CHD3: variants seen among roughly 807,000 people sequenced by gnomAD.
The protein encoded by CHD3 is ATP-dependent chromatin remodeler CHD3.
A neutral mutation model predicts 248.9 loss-of-function variants in CHD3; 52 were observed. The ratio of observed to expected loss-of-function variants is 0.21; its 90% CI spans 0.17 to 0.26. CHD3 has a LOEUF of 0.26. Among genes scored for constraint, CHD3 ranks in the 10% least tolerant of loss-of-function variants. The pLI, the probability that CHD3 is intolerant of heterozygous loss-of-function variation, is 1.00. For missense variants in CHD3, 1,482 were observed against 2,605.8 expected, an observed-to-expected ratio of 0.57 and a Z score of 9.39; for synonymous variants, 985 against 985.2, an observed-to-expected ratio of 1.00 and a Z score of 0.00.
intron 10 of CHD3, among the ~76,000 whole-genome samples, chr17:7,896,701 C>A (rs1247212499): frequency 1.4e-5 from 2 of 142,520 alleles, no homozygotes; most frequent in Non-Finnish European, 3.1e-5. Flanking sequence ...TCTTATTGCC[C>A]CGGCTGGAGT....
Position 7,905,579 on chromosome 17 carries a change from G to A in CHD3, c.4139-42G>A. On this transcript the variant is annotated intron_variant, in intron 26 of 39. Transcript: ENST00000330494. This position sits in a 1 kb window ranked among gnomAD's most constrained non-coding sequence, Gnocchi z 5.8. ...GTGCTAAGGAGGACTGAGGCTTAGA[G>A]GAGGTGGTGGCTCAGCTAACTGATG... The A allele has an allele frequency of 1.4e-6, 2 of 1,453,376 alleles. No homozygotes were observed. The highest frequency in any genetic ancestry group is 1.9e-6 in the Non-Finnish European group (2 of 1,066,342). 90.0% of individuals were successfully genotyped at this position (1,453,376 alleles called of 1,614,324 possible). A position where few individuals can be genotyped will look rare whatever the true frequency, so the allele number is the denominator to read the frequency against.
upstream of CHD3, chr17:7,884,908 G>T: frequency 7.1e-7 from 1 of 1,417,346 alleles, no homozygotes; most frequent in Non-Finnish European, 9.3e-7. Flanking sequence ...AGGAGGAGGA[G>T]GAGGTGGAGG....
chr17:7,901,408 C>A, intron 20 of CHD3, 33 bp downstream of exon 20: 1 of 1,534,786 alleles, frequency 6.5e-7, no homozygotes, highest in Admixed American at 1.9e-5. Flanking sequence ...TTTACATCTG[C>A]TTCCTCTTCC....
Position 7,911,896 on chromosome 17 carries a change from G to T in CHD3, c.*311G>T, listed in dbSNP as rs1320058358. The T allele has an allele frequency of 7.7e-6, 4 of 518,974 alleles. No homozygotes were observed. In the African/African-American group the frequency reaches 8.0e-5, roughly 10 times the overall value. 32.1% of individuals were successfully genotyped at this position (518,974 alleles called of 1,614,324 possible). ...AAGTATACACAACTTCCCAGTAAATGGTTGTGGGGAGGAAAGAGGTGGAGC... is the reference window on the plus strand; with the variant it reads ...AAGTATACACAACTTCCCAGTAAATTGTTGTGGGGAGGAAAGAGGTGGAGC... On this transcript the variant is annotated 3_prime_UTR_variant, in exon 40 of 40. Coordinates refer to ENST00000330494, the MANE Select transcript of CHD3 (RefSeq NM_001005273.3). The surrounding 1 kb of genome is among the most constrained non-coding windows in gnomAD (Gnocchi z 5.4).
rs776370829 is a variant in CHD3, at chr17:7,906,945, G to A, written c.4580G>A (p.Arg1527His). The change falls in exon 30 of 40, where the codon CGC (arginine) becomes CAC (histidine). Residue 1527 changes from arginine (R) to histidine (H), a missense_variant. This residue lies in a region of CHD3 where 254 missense variants were observed against 266.7 expected (regional missense o/e 0.95). Transcript: ENST00000330494. The surrounding 1 kb of genome is among the most constrained non-coding windows in gnomAD (Gnocchi z 5.0). ...CCTGACCCCAGCGCCGATTCTAAGC[G>A]CTCCTCCAGAGCCTCCTCTCCTACC... ...LMPDPSADSKRSSRASSPTKT... is the reference protein window; with the variant it reads ...LMPDPSADSKHSSRASSPTKT... 1.7e-5 allele frequency: 27 copies of A among 1,613,970 alleles called. No homozygotes were observed. The highest frequency in any genetic ancestry group is 1.6e-4 in the Middle Eastern group (1 of 6,084).
chr17:7,894,407 T>C lies in CHD3; in HGVS notation c.1076-8T>C. 6.2e-7 allele frequency: 1 copy of C among 1,608,834 alleles called. No homozygotes were observed. The highest frequency in any genetic ancestry group is 8.5e-7 in the Non-Finnish European group (1 of 1,176,218). ...GCTTCCTTATCCCTCCACCGGGGTATATGACAGTCCTGGGCTGTCCTGCAG... is the reference window on the plus strand; with the variant it reads ...GCTTCCTTATCCCTCCACCGGGGTACATGACAGTCCTGGGCTGTCCTGCAG... On this transcript the variant is annotated splice_region_variant and splice_polypyrimidine_tract_variant and intron_variant, in intron 7 of 39. Coordinates refer to ENST00000330494, the MANE Select transcript of CHD3 (RefSeq NM_001005273.3).
upstream of CHD3, chr17:7,885,310 G>GCCGCACCCCTCCCCCGCCGCACCCCTCCC (rs1555603822): frequency 1.9e-5 from 2 of 102,782 alleles, no homozygotes; most frequent in Admixed American, 2.2e-4. Flanking sequence ...CCCCTCCCCC[G>GCCGCACCCCTCCCCCGCCGCACCCCTCCC]CCGCCGCCGC....
chr17:7,884,936 G>A, upstream of CHD3: 2 of 1,404,436 alleles, frequency 1.4e-6, no homozygotes, highest in Middle Eastern at 2.6e-4. Flanking sequence ...CGAGGACGAT[G>A]AGGAGGACGA....
chr17:7,909,380 G>A lies in CHD3; in HGVS notation c.5590+42G>A, dbSNP rs932645815. The A allele has an allele frequency of 2.7e-5, 41 of 1,503,778 alleles. No homozygotes were observed. The highest frequency in any genetic ancestry group is 3.3e-5 in the Non-Finnish European group (37 of 1,124,426). 93.2% of individuals were successfully genotyped at this position (1,503,778 alleles called of 1,614,324 possible). On this transcript the variant is annotated intron_variant, in intron 37 of 39. Transcript: ENST00000330494. The surrounding 1 kb of genome is among the most constrained non-coding windows in gnomAD (Gnocchi z 8.1). ...CCCCGCGCGGGGGAGGGCCCACAAC[G>A]CTGCGTAAGTCTTCACCCCGCACCC...
chr17:7,900,321 A>G lies in CHD3; in HGVS notation c.2714A>G (p.Asp905Gly), dbSNP rs926424490. 1 of 1,613,972 alleles carries G rather than the reference A, an allele frequency of 6.2e-7. No homozygotes were observed. The highest frequency in any genetic ancestry group is 1.3e-5 in the African/African-American group (1 of 74,880). The part of the protein sequence containing the change: ...FFRVLNGYKI[D>G]HKLLLTGTPL... ...AGGGTTCTCAATGGTTACAAGATAGATCATAAGTTGCTGCTGACAGGAACC... is the reference window on the plus strand; with the variant it reads ...AGGGTTCTCAATGGTTACAAGATAGGTCATAAGTTGCTGCTGACAGGAACC... The change falls in exon 17 of 40, where the codon GAT becomes GGT. Residue 905 changes from aspartate to glycine, a missense_variant. Physicochemically the swap from Asp to Gly is moderately conservative, Grantham distance 94. Around this residue, in one of 20 missense-constraint regions of CHD3, gnomAD observed 36 missense variants for 189.3 expected, o/e 0.19. Coordinates refer to ENST00000330494, the MANE Select transcript of CHD3 (RefSeq NM_001005273.3). This position sits in a 1 kb window ranked among gnomAD's most constrained non-coding sequence, Gnocchi z 6.5.
rs1176795528 is a variant in CHD3, at chr17:7,897,056, C to T, written c.1708-27C>T. 5 of 1,600,038 alleles carry T rather than the reference C, an allele frequency of 3.1e-6. No individual in the cohort carries two copies. The highest frequency in any genetic ancestry group is 1.3e-5 in the African/African-American group (1 of 74,624). On this transcript the variant is annotated intron_variant, in intron 10 of 39. Coordinates refer to ENST00000330494, the MANE Select transcript of CHD3 (RefSeq NM_001005273.3). The surrounding 1 kb of genome is among the most constrained non-coding windows in gnomAD (Gnocchi z 4.8). ...TCCTCTGTGAGTGTCAGGACTATCT[C>T]TTTCCCTTTTTTCTGTGCCCTGCTA...
rs936481063 is a variant in CHD3 at position 7,908,873 on chromosome 17, G to A, written c.5394+44G>A. On this transcript the variant is annotated intron_variant, in intron 36 of 39. Coordinates refer to ENST00000330494, the MANE Select transcript of CHD3 (RefSeq NM_001005273.3). The surrounding 1 kb of genome is among the most constrained non-coding windows in gnomAD (Gnocchi z 5.8). ...AGGAGCGGGTTATAGACGGGCTTGG[G>A]TCAGAAGTGAGACCAGATCTAGTTG... 8.1e-6 allele frequency: 13 copies of A among 1,613,022 alleles called. No homozygotes were observed. Among genetic ancestry groups the A allele is most frequent in the Middle Eastern group, 3.3e-4 (2 of 6,054 alleles).
rs766477734 is a variant in CHD3 at position 7,907,216 on chromosome 17, A to G, written c.4757A>G (p.Asn1586Ser). 1 of 1,614,234 alleles carries G rather than the reference A, an allele frequency of 6.2e-7. No individual in the cohort carries two copies. Among genetic ancestry groups the G allele is most frequent in the Admixed American group, 1.7e-5 (1 of 60,030 alleles). Reference protein sequence around the residue: ...AENQEEKPEKNSRIGEKMETE... With the variant: ...AENQEEKPEKSSRIGEKMETE... ...AACCAGGAGGAAAAGCCAGAGAAGA[A>G]CAGCAGAATTGGGGAGAAGATGGAG... Residue 1586 changes from asparagine (N) to serine (S), a missense_variant, in exon 31 of 40, where the codon AAC becomes AGC. Asn to Ser is a conservative substitution (Grantham distance 46). Transcript: ENST00000330494. This position sits in a 1 kb window ranked among gnomAD's most constrained non-coding sequence, Gnocchi z 4.3.
chr17:7,893,487 C>G lies in CHD3; in HGVS notation c.711C>G (p.Ser237=), dbSNP rs199898244. The change falls in exon 5 of 40, where the codon TCC becomes TCG. Residue 237 remains serine (S), a synonymous_variant. Coordinates refer to ENST00000330494, the MANE Select transcript of CHD3 (RefSeq NM_001005273.3). ...CGTCGGCCACCCCCATAGCACCCTC[C>G]GGACCCCCCGCCCTTCCACCACCCC... The part of the protein sequence containing the change: ...AVSSATPIAP[S]GPPALPPPPA... The G allele has an allele frequency of 2.5e-3, 3,960 of 1,584,780 alleles. 19 individuals carry two copies. Among genetic ancestry groups the G allele is most frequent in the Non-Finnish European group, 2.4e-3 (2,796 of 1,159,266 alleles).
Position 7,904,751 on chromosome 17 carries a change from A to C in CHD3, c.4072+132A>C. The C allele has an allele frequency of 2.2e-6, 2 of 910,006 alleles. No individual in the cohort carries two copies. Among genetic ancestry groups the C allele is most frequent in the South Asian group, 1.8e-5 (1 of 55,986 alleles). 56.4% of individuals were successfully genotyped at this position (910,006 alleles called of 1,614,324 possible). On this transcript the variant is annotated intron_variant, in intron 25 of 39. Transcript: ENST00000330494. The surrounding 1 kb of genome is among the most constrained non-coding windows in gnomAD (Gnocchi z 4.4). ...CCTTCCTCTGCTAAAAGGGAAAGAC[A>C]TAAGGTAGAGTCATTAGGAACTACC...
In CHD3 at chr17:7,908,683, T is replaced by G; in HGVS notation, c.5262-14T>G. ...TGTTAAATTCCTTGATGGTTCCTTT[T>G]CCTTCATTGGTAGCCATGGCTATGC... On this transcript the variant is annotated splice_polypyrimidine_tract_variant and intron_variant, in intron 35 of 39. Coordinates refer to ENST00000330494, the MANE Select transcript of CHD3 (RefSeq NM_001005273.3). The surrounding 1 kb of genome is among the most constrained non-coding windows in gnomAD (Gnocchi z 5.8). 6.2e-7 allele frequency: 1 copy of G among 1,613,944 alleles called. No individual in the cohort carries two copies. Among genetic ancestry groups the G allele is most frequent in the Non-Finnish European group, 8.5e-7 (1 of 1,179,852 alleles).
rs1310699030 is a variant in CHD3, at chr17:7,906,577, C to A, written c.4383C>A (p.Arg1461=). 1.2e-6 allele frequency: 2 copies of A among 1,613,976 alleles called. No individual in the cohort carries two copies. The highest frequency in any genetic ancestry group is 3.3e-5 in the Admixed American group (2 of 59,992). ...EFKAYVSLFM[R]HLCEPGADGS... is the part of the protein sequence containing the mutation. ...GGGCCTATGTGTCTTTGTTCATGCG[C>A]CATCTGTGTGAGCCTGGGGCAGACG... Residue 1461 remains arginine, a synonymous_variant, in exon 29 of 40, where the codon CGC becomes CGA. Coordinates refer to ENST00000330494, the MANE Select transcript of CHD3 (RefSeq NM_001005273.3). The surrounding 1 kb of genome is among the most constrained non-coding windows in gnomAD (Gnocchi z 5.0).
rs375455976 is a variant in CHD3, at chr17:7,903,774, C to A, written c.3728-51C>A. On this transcript the variant is annotated intron_variant, in intron 23 of 39. Coordinates refer to ENST00000330494, the MANE Select transcript of CHD3 (RefSeq NM_001005273.3). The surrounding 1 kb of genome is among the most constrained non-coding windows in gnomAD (Gnocchi z 6.8). ...CGCAGAGTAGAAGCTTTCCCATCAG[C>A]CTTTCTAAACTTTGGAACCCAAAGT... is the stretch of plus-strand genomic sequence containing the variant. The A allele has an allele frequency of 3.7e-5, 59 of 1,592,712 alleles. No homozygotes were observed. The African/African-American group carries it at 5.6e-4, about 15-fold the overall frequency.
In CHD3 at chr17:7,909,292, G is replaced by A. The variant is rs745803889; in HGVS notation, c.5544G>A (p.Lys1848=). The change falls in exon 37 of 40, where the codon AAG becomes AAA. Residue 1848 remains lysine, a synonymous_variant. Transcript: ENST00000330494. This position sits in a 1 kb window ranked among gnomAD's most constrained non-coding sequence, Gnocchi z 8.1. ...CLAESHQHLS[K]ESLAGNKPAN... Reference sequence around the variant, plus strand: ...CCGAGAGCCACCAGCACCTCTCCAAGGAGTCGCTGGCGGGGAACAAGCCGG... The same window carrying A: ...CCGAGAGCCACCAGCACCTCTCCAAAGAGTCGCTGGCGGGGAACAAGCCGG... 3 of 1,562,612 alleles carry A rather than the reference G, an allele frequency of 1.9e-6. No homozygotes were observed. Among genetic ancestry groups the A allele is most frequent in the Middle Eastern group, 2.2e-4 (1 of 4,524 alleles).
Sources: allele counts gnomAD v4.1 joint callset (sites outside exome capture counted in the v4.1 genomes callset), GRCh38; gene constraint gnomAD v4.1.1; regional missense constraint gnomAD v4.1.1; non-coding constraint Gnocchi (gnomAD v3.1); transcripts MANE v1.5; gene names NCBI Gene and HGNC (gene_info 2026-07-23, HGNC 2026-07-21).